Variants in SGSM2 observed in about 807,000 individuals in gnomAD.
The protein encoded by SGSM2 is small G protein signaling modulator 2, also known as RUN and TBC1 domain containing 1.
Under a neutral mutation model 126.6 loss-of-function variants are expected in SGSM2, and 89 were observed. The ratio of observed to expected loss-of-function variants is 0.70; its 90% CI spans 0.59 to 0.84. The LOEUF (loss-of-function observed/expected upper bound fraction) is 0.84. SGSM2 is among the 40% of genes least tolerant of loss of function. The pLI is 0.00. For synonymous variants in SGSM2, 614 were observed against 574.3 expected, an observed-to-expected ratio of 1.07 and a Z score of -0.99; for missense variants, 1,404 against 1,416.6, an observed-to-expected ratio of 0.99 and a Z score of 0.14.
chr17:2,371,132 C>T (rs2065849594), intron 12 of SGSM2, 130 bp from the exon 13 acceptor site: 2 of 1,057,258 alleles, frequency 1.9e-6, no homozygotes, highest in African/African-American at 1.6e-5. Flanking sequence ...CCAGGCAGGC[C>T]CCACCTCTGT....
intron 1 of SGSM2, among the ~76,000 whole-genome samples, chr17:2,342,129 C>A (rs1049037883): frequency 1.3e-5 from 2 of 151,960 alleles, no homozygotes; most frequent in Non-Finnish European, 2.9e-5. Context: ...GTATAAAAAC[C>A]CAGGCCGGGT....
intron 21 of SGSM2, chr17:2,377,532 GT>G: frequency 5.2e-6 from 1 of 193,546 alleles, no homozygotes; most frequent in Non-Finnish European, 1.0e-5. Flanking sequence ...TTGAGGAGGA[GT>G]GTGTGTGTGT....
intron 19 of SGSM2, 41 bp downstream of exon 19, chr17:2,376,302 T>TTCC: frequency 6.2e-7 from 1 of 1,610,628 alleles, no homozygotes; most frequent in South Asian, 1.1e-5. Context: ...GGCGGGACCC[T>TTCC]GCCGCCAGTT....
intron 17 of SGSM2, 97 bp from the exon 18 acceptor site, chr17:2,375,395 A>C (rs1045573503): frequency 2.1e-6 from 3 of 1,446,316 alleles, no homozygotes; most frequent in Non-Finnish European, 2.8e-6. Context: ...GGGGGTGTGA[A>C]GAGTTTTGCA....
chr17:2,371,480 T>C, intron 13 of SGSM2, 65 bp downstream of exon 13: 1 of 1,513,384 alleles, frequency 6.6e-7, no homozygotes, highest in East Asian at 2.3e-5. Context: ...TGTCCGTCTG[T>C]CCTTAAAGGC....
intron 2 of SGSM2, 34 bp downstream of exon 2, chr17:2,343,654 G>T (rs373392899): frequency 1.5e-5 from 24 of 1,599,646 alleles, no homozygotes; most frequent in Non-Finnish European, 2.1e-5. Flanking sequence ...TGGGAGGTCG[G>T]TCTAGAGCCG....
At chr17:2,346,724 C>T (rs550827203) in intron 2 of SGSM2, among the ~76,000 whole-genome samples, 7 of 152,136 alleles carry the variant, frequency 4.6e-5, no homozygotes, top group South Asian at 4.2e-4. Context: ...TTCCCAGGCC[C>T]GAGGATCAGA....
chr17:2,350,731 C>G (rs769880565), intron 2 of SGSM2, among the ~76,000 whole-genome samples: 1 of 152,106 alleles, frequency 6.6e-6, no homozygotes, highest in Non-Finnish European at 1.5e-5. Flanking sequence ...TCCCTAGGAA[C>G]GAGAGGAAGG....
rs752839974 is a variant in SGSM2, at chr17:2,373,091, G to A, written c.1917+10G>A. The A allele has an allele frequency of 3.1e-6, 5 of 1,599,338 alleles. No individual in the cohort carries two copies. Among genetic ancestry groups the A allele is most frequent in the Non-Finnish European group, 4.3e-6 (5 of 1,174,446 alleles). ...GAAGGAGATGGAGCAGGTGAGGGGA[G>A]CCTGTTCCCATGGGGCTGATGAGAT... On this transcript the variant is annotated intron_variant, in intron 16 of 23. Coordinates refer to ENST00000268989, the MANE Select transcript of SGSM2 (RefSeq NM_014853.3).
At chr17:2,353,542 T>C (rs1426819034) in intron 2 of SGSM2, among the ~76,000 whole-genome samples, 2 of 152,248 alleles carry the variant, frequency 1.3e-5, no homozygotes, top group Admixed American at 1.3e-4. Context: ...ACGGGCAGAT[T>C]GCTTGAGCTC....
In SGSM2 at chr17:2,337,769, G is replaced by T; in HGVS notation, c.57+24G>T. The T allele has an allele frequency of 6.6e-7, 1 of 1,505,988 alleles. No individual in the cohort carries two copies. Among genetic ancestry groups the T allele is most frequent in the African/African-American group, 1.4e-5 (1 of 69,504 alleles). 93.3% of individuals were successfully genotyped at this position (1,505,988 alleles called of 1,614,324 possible). On this transcript the variant is annotated intron_variant, in intron 1 of 23. Transcript: ENST00000268989. The surrounding 1 kb of genome is among the most constrained non-coding windows in gnomAD (Gnocchi z 5.1). ...AGGTAAAGTCGAGTCAAGAACCCCGGGGGGCTCGCGCCCTGGCCCGCGCGG... is the reference window on the plus strand; with the variant it reads ...AGGTAAAGTCGAGTCAAGAACCCCGTGGGGCTCGCGCCCTGGCCCGCGCGG...
chr17:2,367,314 G>C lies in SGSM2; in HGVS notation c.1332G>C (p.Ser444=), dbSNP rs777763472. Residue 444 remains serine, a synonymous_variant, in exon 12 of 24, where the codon TCG becomes TCC. Transcript: ENST00000268989. The surrounding 1 kb of genome is among the most constrained non-coding windows in gnomAD (Gnocchi z 4.0). ...YHHLAASRAA[S]VDDDEEEEDK... is the part of the protein sequence containing the mutation. ...ACCTAGCGGCCAGCCGCGCGGCCTC[G>C]GTGGACGATGATGAGGAAGAGGAGG... The C allele has an allele frequency of 1.1e-5, 17 of 1,614,076 alleles. No individual in the cohort carries two copies. Among genetic ancestry groups the C allele is most frequent in the Non-Finnish European group, 1.4e-5 (17 of 1,179,998 alleles).
chr17:2,337,548 TGCGGCGGCG>T lies in SGSM2; in HGVS notation c.-127_-119del, dbSNP rs536747389. ...GCGGAGCCGAGCACCGGGCAGTGGCTGCGGCGGCGGCGGCGGCGGCGGGCCGGGAGCGCG... is the reference window on the plus strand; with the variant it reads ...GCGGAGCCGAGCACCGGGCAGTGGCTGCGGCGGCGGCGGGCCGGGAGCGCG... On this transcript the variant is annotated 5_prime_UTR_variant, in exon 1 of 24. Coordinates refer to ENST00000268989, the MANE Select transcript of SGSM2 (RefSeq NM_014853.3). The surrounding 1 kb of genome is among the most constrained non-coding windows in gnomAD (Gnocchi z 5.1). The T allele has an allele frequency of 1.7e-4, 48 of 286,700 alleles. 3 individuals carry two copies. In the East Asian group the frequency reaches 4.2e-3, roughly 25 times the overall value. 17.8% of individuals were successfully genotyped at this position (286,700 alleles called of 1,614,324 possible).
chr17:2,379,282 G>T, intron 23 of SGSM2, 79 bp downstream of exon 23: 2 of 1,575,466 alleles, frequency 1.3e-6, no homozygotes, highest in South Asian at 2.3e-5. Flanking sequence ...CACAGCTGGA[G>T]GGTTCTCAGG....
At chr17:2,339,295 G>A (rs2064239544) in intron 1 of SGSM2, among the ~76,000 whole-genome samples, 1 of 151,824 alleles carries the variant, frequency 6.6e-6, no homozygotes, top group Non-Finnish European at 1.5e-5. Context: ...AATTAGCCAG[G>A]CACAGTGGTG....
rs1225877856 is a variant in SGSM2, at chr17:2,362,770, C to T, written c.459-68C>T. On this transcript the variant is annotated intron_variant, in intron 4 of 23. Transcript: ENST00000268989. The surrounding 1 kb of genome is among the most constrained non-coding windows in gnomAD (Gnocchi z 4.9). ...CTGGTCTTTGTGGGGATGTCCCTACCTGGTGAGCTTGACTGCCCTGGAATG... is the reference window on the plus strand; with the variant it reads ...CTGGTCTTTGTGGGGATGTCCCTACTTGGTGAGCTTGACTGCCCTGGAATG... 1.3e-6 allele frequency: 2 copies of T among 1,512,190 alleles called. No individual in the cohort carries two copies. The highest frequency in any genetic ancestry group is 1.8e-6 in the Non-Finnish European group (2 of 1,091,300). 93.7% of individuals were successfully genotyped at this position (1,512,190 alleles called of 1,614,324 possible).
At position 2,367,467 on chromosome 17, in the gene SGSM2, C is replaced by T. The variant is rs541432003; in HGVS notation, c.1423+62C>T. ...CCACCCTCCCTCCCGGGCCCGCCTG[C>T]CACCCACCACAGGGGTTCGAACGGC... On this transcript the variant is annotated intron_variant, in intron 12 of 23. Coordinates refer to ENST00000268989, the MANE Select transcript of SGSM2 (RefSeq NM_014853.3). The surrounding 1 kb of genome is among the most constrained non-coding windows in gnomAD (Gnocchi z 4.0). 5.0e-5 allele frequency: 78 copies of T among 1,566,138 alleles called. No individual in the cohort carries two copies. The African/African-American group carries it at 9.6e-4, about 19-fold the overall frequency.
chr17:2,376,393 C>T (rs760803444), intron 19 of SGSM2, 132 bp downstream of exon 19: 6 of 1,190,590 alleles, frequency 5.0e-6, no homozygotes, highest in South Asian at 3.0e-5. Flanking sequence ...CTGCCTGGAA[C>T]GCTTTTTTCC....
In SGSM2 at chr17:2,372,277, T is replaced by C. The variant is rs758268049; in HGVS notation, c.1642+23T>C. On this transcript the variant is annotated intron_variant, in intron 14 of 23. Transcript: ENST00000268989. This position sits in a 1 kb window ranked among gnomAD's most constrained non-coding sequence, Gnocchi z 6.0. ...GCTGTGAGTGTGGGGCGCGCCGGGC[T>C]GTGGCGGGCTGGGGGCGGGCGGCCC... 1.9e-5 allele frequency: 30 copies of C among 1,612,078 alleles called. No individual in the cohort carries two copies. The highest frequency in any genetic ancestry group is 2.5e-5 in the Non-Finnish European group (29 of 1,179,330).
Sources: gnomAD v4.1 joint callset for allele counts (sites outside exome capture counted in the v4.1 genomes callset) on GRCh38, gnomAD v4.1.1 for gene constraint, Gnocchi (gnomAD v3.1) non-coding constraint, MANE v1.5 for transcripts, NCBI Gene and HGNC (gene_info 2026-07-23, HGNC 2026-07-21) for gene names.